The following HPS1 variants were observed in gnomAD, a reference collection of about 807,000 sequenced individuals.
The protein encoded by HPS1 is HPS1 biogenesis of lysosomal organelles complex 3 subunit 1, also known as BLOC-3 complex member HPS1.
HPS1 carries 59 observed loss-of-function variants against 90.6 expected under a neutral mutation model. The ratio of observed to expected loss-of-function variants is 0.65; its 90% confidence interval spans 0.53 to 0.81. The LOEUF (loss-of-function observed/expected upper bound fraction) is 0.81. HPS1 is among the 30% of genes least tolerant of loss of function. The probability of loss-of-function intolerance (pLI) is 0.00; values close to 1 mark genes in which losing one functional copy is unlikely to be tolerated. For missense variants in HPS1, 849 were observed against 896.7 expected, an observed-to-expected ratio of 0.95 and a Z score of 0.68; for synonymous variants, 388 against 384.4, an observed-to-expected ratio of 1.01 and a Z score of -0.11.
At position 98,445,021 on chromosome 10, in the gene HPS1, C is replaced by T. The variant is rs907972839; in HGVS notation, c.-1+279G>A. ...GGTCATGAAGGCGGTCATCTAGGTGCGGGTGTCAGGTAATGAGTGCTCACC... is the reference window on the plus strand; with the variant it reads ...GGTCATGAAGGCGGTCATCTAGGTGTGGGTGTCAGGTAATGAGTGCTCACC... On this transcript the variant is annotated intron_variant, in intron 2 of 19. Coordinates refer to ENST00000361490, the MANE Select transcript of HPS1 (RefSeq NM_000195.5). The surrounding 1 kb of genome is among the most constrained non-coding windows in gnomAD (Gnocchi z 4.5). Among the ~76,000 whole-genome samples, 16 of 152,088 alleles carry T rather than the reference C, an allele frequency of 1.1e-4. No homozygotes were observed. Among genetic ancestry groups the T allele is most frequent in the Non-Finnish European group, 1.2e-4 (8 of 67,984 alleles).
intron 3 of HPS1, among the ~76,000 whole-genome samples, chr10:98,441,467 A>C (rs2072623908): frequency 6.6e-6 from 1 of 152,242 alleles, no homozygotes; most frequent in Non-Finnish European, 1.5e-5. Flanking sequence ...AGTTGGGCAA[A>C]GATTTCTTAG....
chr10:98,429,734 C>A (rs914201283), intron 9 of HPS1, 57 bp downstream of exon 9: 3 of 1,613,600 alleles, frequency 1.9e-6, no homozygotes, highest in Non-Finnish European at 8.5e-7. Flanking sequence ...AAGGCCTGGT[C>A]GCCTGCAGAG....
chr10:98,432,318 T>C (rs1446617476), intron 6 of HPS1, among the ~76,000 whole-genome samples: 1 of 152,260 alleles, frequency 6.6e-6, no homozygotes, highest in African/African-American at 2.4e-5. Context: ...AAAAACCTAA[T>C]ATGGCACCAG....
At chr10:98,434,686 G>C (rs146986229) in intron 5 of HPS1, among the ~76,000 whole-genome samples, 4 of 151,928 alleles carry the variant, frequency 2.6e-5, no homozygotes, top group Non-Finnish European at 5.9e-5. Flanking sequence ...AGAGAATCAG[G>C]GGGTGGTGAT....
Position 98,418,182 on chromosome 10 carries a change from AG to A in HPS1, c.1932del (p.Tyr645ThrfsTer80), listed in dbSNP as rs1239621485. On this transcript the variant is annotated frameshift_variant, in exon 19 of 20. Coordinates refer to ENST00000361490, the MANE Select transcript of HPS1 (RefSeq NM_000195.5). LOFTEE classifies it high-confidence loss of function. ...DSVPIGMLGG[D>X]YYRKLLRYYS... is the part of the protein sequence containing the mutation. ...CTCCCAACGCAGCGTCACCTGTAGT[AG>A]TCTCCTCCCAGCATGCCGATAGGCA... is the stretch of plus-strand genomic sequence containing the variant. 1.2e-6 allele frequency: 2 copies of A among 1,604,586 alleles called. No homozygotes were observed. The highest frequency in any genetic ancestry group is 2.2e-5 in the East Asian group (1 of 44,684).
At chr10:98,424,258 G>A in intron 14 of HPS1, 55 bp downstream of exon 14, 1 of 1,340,078 alleles carries the variant, frequency 7.5e-7, no homozygotes, top group African/African-American at 1.4e-5. Flanking sequence ...TGGCCTCCCA[G>A]GGAACAGTCC....
intron 14 of HPS1, 148 bp downstream of exon 14, chr10:98,424,165 C>A: frequency 1.3e-6 from 1 of 752,998 alleles, no homozygotes; most frequent in Non-Finnish European, 2.3e-6. Flanking sequence ...AGCTTCTCCA[C>A]GCGGTGCTCC....
At chr10:98,439,208 C>T (rs946537670) in intron 3 of HPS1, among the ~76,000 whole-genome samples, 1 of 152,216 alleles carries the variant, frequency 6.6e-6, no homozygotes, top group Admixed American at 6.5e-5. Context: ...GACACCTCCA[C>T]ACAGAGTCCC....
At chr10:98,423,548 A>ATCTCGGT in intron 16 of HPS1, 55 bp downstream of exon 16, 1 of 1,518,776 alleles carries the variant, frequency 6.6e-7, no homozygotes, top group Admixed American at 1.7e-5. Flanking sequence ...GCAGGTGTAG[A>ATCTCGGT]GGCAGCAGAT....
chr10:98,429,382 T>A (rs1846048222), intron 10 of HPS1, 191 bp downstream of exon 10: 1 of 1,528,204 alleles, frequency 6.5e-7, no homozygotes. Flanking sequence ...GTCTTAACAA[T>A]CCTTGAGTTC....
intron 3 of HPS1, among the ~76,000 whole-genome samples, chr10:98,439,740 A>C (rs1938073495): frequency 6.6e-6 from 1 of 152,156 alleles, no homozygotes; most frequent in African/African-American, 2.4e-5. Context: ...TTGGTTTTGA[A>C]ATGTAAAAGG....
Position 98,431,139 on chromosome 10 carries a change from G to A in HPS1, c.660C>T (p.Phe220=), listed in dbSNP as rs759367703. ...CCAGACCTTGAGCTCACCTAGAGTAGAATGCCAGCAGCTTGGAGTGCACGA... is the reference window on the plus strand; with the variant it reads ...CCAGACCTTGAGCTCACCTAGAGTAAAATGCCAGCAGCTTGGAGTGCACGA... ...FLLVHSKLLA[F]YSSHSASSLR... The change falls in exon 7 of 20, where the codon TTC becomes TTT. Residue 220 remains phenylalanine, a synonymous_variant. Coordinates refer to ENST00000361490, the MANE Select transcript of HPS1 (RefSeq NM_000195.5). 1.9e-6 allele frequency: 3 copies of A among 1,614,022 alleles called. No homozygotes were observed. The African/African-American group carries it at 4.0e-5, about 22-fold the overall frequency.
Position 98,420,177 on chromosome 10 carries a change from G to A in HPS1, c.1744-19C>T. ...ACCAGACCTGGGGAAAAGACAGCAAGCATCACCACTCTCCCAGCCTTGGTC... is the reference window on the plus strand; with the variant it reads ...ACCAGACCTGGGGAAAAGACAGCAAACATCACCACTCTCCCAGCCTTGGTC... On this transcript the variant is annotated intron_variant, in intron 17 of 19. Coordinates refer to ENST00000361490, the MANE Select transcript of HPS1 (RefSeq NM_000195.5). 2 of 1,543,522 alleles carry A rather than the reference G, an allele frequency of 1.3e-6. No individual in the cohort carries two copies. Among genetic ancestry groups the A allele is most frequent in the South Asian group, 2.2e-5 (2 of 89,720 alleles).
chr10:98,444,954 T>A (rs1403982121), intron 2 of HPS1, among the ~76,000 whole-genome samples: 2 of 152,076 alleles, frequency 1.3e-5, no homozygotes, highest in Admixed American at 1.3e-4. Context: ...GCTGTGGTTG[T>A]GAGCGGAGAA....
chr10:98,415,122 C>G (rs752138434), downstream of HPS1: 66 of 1,612,984 alleles, frequency 4.1e-5, no homozygotes, highest in Admixed American at 9.8e-4. Flanking sequence ...GAGACCTCGG[C>G]CACTTGCAGC....
Position 98,417,746 on chromosome 10 carries a change from T to C in HPS1, c.1941-20A>G, listed in dbSNP as rs1286539018. On this transcript the variant is annotated intron_variant, in intron 19 of 19. Transcript: ENST00000361490. The surrounding 1 kb of genome is among the most constrained non-coding windows in gnomAD (Gnocchi z 4.2). ...AGCTTCCTGGGGAGGAAGGGGAGGA[T>C]GGGATTCAGGAGTGAGGCTGTGGCA... 4 of 1,612,654 alleles carry C rather than the reference T, an allele frequency of 2.5e-6. No homozygotes were observed. In the South Asian group the frequency reaches 3.3e-5, roughly 13 times the overall value.
chr10:98,443,118 A>G lies in HPS1; in HGVS notation c.117+6T>C, dbSNP rs1938739390. 1.3e-6 allele frequency: 2 copies of G among 1,579,238 alleles called. No individual in the cohort carries two copies. The highest frequency in any genetic ancestry group is 1.7e-5 in the Admixed American group (1 of 59,894). The stretch of plus-strand genomic sequence containing the variant: ...CCCCTCCTGGGACTGCCTACCCTGC[A>G]CTCACCTCTTCTTCCTCATTCTCTG... On this transcript the variant is annotated splice_donor_region_variant and intron_variant, in intron 3 of 19. Transcript: ENST00000361490.
intron 3 of HPS1, among the ~76,000 whole-genome samples, chr10:98,440,641 A>C (rs1938258688): frequency 6.6e-6 from 1 of 152,106 alleles, no homozygotes; most frequent in Admixed American, 6.5e-5. Context: ...ATTATAGGTC[A>C]TTTAAAAACT....
intron 16 of HPS1, 99 bp from the exon 17 acceptor site, chr10:98,422,612 C>T: frequency 2.5e-6 from 3 of 1,216,494 alleles, no homozygotes; most frequent in Non-Finnish European, 3.6e-6. Context: ...GCAGGAGGGC[C>T]AGGACTGCCT....
Sources: allele counts gnomAD v4.1 joint callset (sites outside exome capture counted in the v4.1 genomes callset), GRCh38; gene constraint gnomAD v4.1.1; non-coding constraint Gnocchi (gnomAD v3.1); transcripts MANE v1.5; gene names NCBI Gene and HGNC (gene_info 2026-07-23, HGNC 2026-07-21).